The following ABCD3 variants were observed in gnomAD, a reference collection of about 807,000 sequenced individuals.
The protein encoded by ABCD3 is ATP-binding cassette sub-family D member 3.
A neutral mutation model predicts 105.5 loss-of-function variants in ABCD3; 41 were observed. The observed-to-expected ratio is 0.39, with a 90% confidence interval of 0.30 to 0.50. ABCD3 has a LOEUF of 0.50. Ranked by LOEUF, ABCD3 falls within the 20% of genes least tolerant of loss-of-function variation. The probability of loss-of-function intolerance (pLI) is 0.84; values close to 1 mark genes in which losing one functional copy is unlikely to be tolerated. For missense variants in ABCD3, 622 were observed against 806.3 expected (o/e 0.77, Z 2.77); for synonymous variants, 258 against 269.0 (o/e 0.96, Z 0.40).
chr1:94,387,827 G>A, the ABCD3 span, among the ~76,000 whole-genome samples: 1 of 152,074 alleles, frequency 6.6e-6, no homozygotes, highest in East Asian at 1.9e-4. Context: ...GTGAATGATG[G>A]CCTCCCAACT....
rs71097204 is a variant in ABCD3 at position 94,505,371 on chromosome 1, ATT to A, written c.1741-1145_1741-1144del. On this transcript the variant is annotated intron_variant, in intron 20 of 22. Coordinates refer to ENST00000370214, the MANE Select transcript of ABCD3 (RefSeq NM_002858.4). ...AGATGAACACCACCATGCTTGGCTA[ATT>A]TTTTTTTTTTTTTTTTTTTTTAAGA... Among the ~76,000 whole-genome samples the A allele has an allele frequency of 6.7e-3, 795 of 118,828 alleles. 5 individuals are homozygous for A. Among genetic ancestry groups the A allele is most frequent in the Non-Finnish European group, 8.6e-3 (497 of 57,612 alleles). The allele number at this position is 118,828 out of a possible 152,430, so 78.0% of individuals were successfully genotyped here. A position where few individuals can be genotyped will look rare whatever the true frequency, so the allele number is the denominator to read the frequency against.
chr1:94,485,997 G>A (rs1440211415), intron 10 of ABCD3, among the ~76,000 whole-genome samples: 1 of 152,092 alleles, frequency 6.6e-6, no homozygotes, highest in Non-Finnish European at 1.5e-5. Flanking sequence ...TTCGAGACCA[G>A]CCTGACCAAC....
chr1:94,496,350 T>C (rs1649798587), intron 16 of ABCD3, among the ~76,000 whole-genome samples: 1 of 152,210 alleles, frequency 6.6e-6, no homozygotes, highest in South Asian at 2.1e-4. Context: ...ATTTGTCCTT[T>C]TGTGGCTGGC....
chr1:94,414,249 G>A (rs973167953), upstream of ABCD3, among the ~76,000 whole-genome samples: 1 of 152,104 alleles, frequency 6.6e-6, no homozygotes, highest in Non-Finnish European at 1.5e-5. Context: ...TTCCTGATGA[G>A]CATGTACCAC....
chr1:94,420,233 A>G (rs1192681977), intron 1 of ABCD3, among the ~76,000 whole-genome samples: 3 of 152,214 alleles, frequency 2.0e-5, no homozygotes, highest in Non-Finnish European at 2.9e-5. Flanking sequence ...ACAGAACATT[A>G]TCAGCACCCC....
chr1:94,418,386 C>A (rs1425759056), upstream of ABCD3: 2 of 1,162,196 alleles, frequency 1.7e-6, no homozygotes, highest in South Asian at 1.3e-5. Context: ...CCTCTGCTCT[C>A]CTCCCAGTCT....
chr1:94,415,282 T>A (rs1464861952), upstream of ABCD3, among the ~76,000 whole-genome samples: 1 of 152,140 alleles, frequency 6.6e-6, no homozygotes, highest in Non-Finnish European at 1.5e-5. Context: ...AATCTTGGAG[T>A]CTGGCTAACA....
chr1:94,447,819 G>C lies in ABCD3; in HGVS notation c.111-10788G>C, dbSNP rs181746635. ...CATTACCATTGTGCCACAGAAAGTA[G>C]CCATACGTAGGGATCAATTGAAAAC... On this transcript the variant is annotated intron_variant, in intron 1 of 22. Coordinates refer to ENST00000370214, the MANE Select transcript of ABCD3 (RefSeq NM_002858.4). Among the ~76,000 whole-genome samples, 238 of 152,298 alleles carry C rather than the reference G, an allele frequency of 1.6e-3. 1 individual carries two copies. Among genetic ancestry groups the C allele is most frequent in the African/African-American group, 5.6e-3 (232 of 41,566 alleles).
chr1:94,505,810 T>G (rs182971790), intron 20 of ABCD3, among the ~76,000 whole-genome samples: 1 of 152,224 alleles, frequency 6.6e-6, no homozygotes, highest in East Asian at 1.9e-4. Context: ...CTAAAGAGAA[T>G]GTTGCAGAGA....
chr1:94,438,848 A>C (rs79688813), intron 1 of ABCD3, among the ~76,000 whole-genome samples: 6 of 152,284 alleles, frequency 3.9e-5, no homozygotes, highest in African/African-American at 1.4e-4. Context: ...CATAACTTCT[A>C]TGTGCACTGG....
chr1:94,416,927 C>G (rs901961097), upstream of ABCD3, among the ~76,000 whole-genome samples: 1 of 152,190 alleles, frequency 6.6e-6, no homozygotes, highest in African/African-American at 2.4e-5. Flanking sequence ...TTAGATTATA[C>G]CATTTTTGTC....
chr1:94,442,200 G>A (rs1660160120), intron 1 of ABCD3, among the ~76,000 whole-genome samples: 1 of 152,174 alleles, frequency 6.6e-6, no homozygotes, highest in African/African-American at 2.4e-5. Context: ...CAGTATGTTT[G>A]CAATCATATC....
chr1:94,418,708 G>C, intron 1 of ABCD3, 120 bp downstream of exon 1: 1 of 997,094 alleles, frequency 1.0e-6, no homozygotes, highest in South Asian at 1.4e-5. Context: ...AGAGAGGGCC[G>C]ACCGCGACTG....
the ABCD3 span, among the ~76,000 whole-genome samples, chr1:94,386,802 C>T: frequency 6.6e-6 from 1 of 152,164 alleles, no homozygotes. Flanking sequence ...TTGCAGTGAG[C>T]TGAGATTGAG....
intron 4 of ABCD3, among the ~76,000 whole-genome samples, chr1:94,473,311 G>T (rs752717819): frequency 3.0e-4 from 46 of 152,106 alleles, no homozygotes; most frequent in South Asian, 1.0e-3. Context: ...ATTTACTCTT[G>T]ACCCTTTGCT....
At chr1:94,496,694 G>GTTTTTTTTTTTTTTTTTTTTTTTTTTT (rs71094302) in intron 16 of ABCD3, among the ~76,000 whole-genome samples, 1 of 39,368 alleles carries the variant, frequency 2.5e-5, no homozygotes, top group Non-Finnish European at 4.1e-5. Context: ...CCTTGTTTCT[G>GTTTTTTTTTTTTTTTTTTTTTTTTTTT]TTTTTTTTTT....
intron 21 of ABCD3, among the ~76,000 whole-genome samples, chr1:94,508,504 A>G (rs1650482867): frequency 6.6e-6 from 1 of 151,482 alleles, no homozygotes; most frequent in South Asian, 2.1e-4. Flanking sequence ...TGAACTTTAA[A>G]GTAGTTTTTT....
Position 94,478,314 on chromosome 1 carries a change from A to T in ABCD3, c.683A>T (p.Gln228Leu). The T allele has an allele frequency of 6.2e-7, 1 of 1,600,120 alleles. No individual in the cohort carries two copies. The highest frequency in any genetic ancestry group is 8.6e-7 in the Non-Finnish European group (1 of 1,169,324). The change falls in exon 8 of 23, where the codon CAG (glutamine) becomes CTG (leucine). Residue 228 changes from glutamine to leucine, a missense_variant and splice_region_variant. Around this residue, in one of 4 missense-constraint regions of ABCD3, gnomAD observed 245 missense variants for 356.4 expected, o/e 0.69. Transcript: ENST00000370214. ...IFKLTSAIGA[Q>L]GPASMMAYLV... is the part of the protein sequence containing the mutation. Reference sequence around the variant, plus strand: ...AAGTTAACGAGTGCAATTGGAGCTCAGGTGAGTCTGCTTTTATTTCAACTT... The same window carrying T: ...AAGTTAACGAGTGCAATTGGAGCTCTGGTGAGTCTGCTTTTATTTCAACTT...
Position 94,473,763 on chromosome 1 carries a change from C to T in ABCD3, c.336-3C>T. On this transcript the variant is annotated splice_polypyrimidine_tract_variant and splice_region_variant and intron_variant, in intron 4 of 22. Transcript: ENST00000370214. Reference sequence around the variant, plus strand: ...CTAATGCATTGCATGTGGTGGTTTGCAGTGGTATCATTGGTCGTAGCAGGA... The same window carrying T: ...CTAATGCATTGCATGTGGTGGTTTGTAGTGGTATCATTGGTCGTAGCAGGA... 1 of 1,611,492 alleles carries T rather than the reference C, an allele frequency of 6.2e-7. No homozygotes were observed. The highest frequency in any genetic ancestry group is 8.5e-7 in the Non-Finnish European group (1 of 1,178,282).
Sources: allele counts gnomAD v4.1 joint callset (sites outside exome capture counted in the v4.1 genomes callset), GRCh38; gene constraint gnomAD v4.1.1; regional missense constraint gnomAD v4.1.1; transcripts MANE v1.5; gene names NCBI Gene and HGNC (gene_info 2026-07-23, HGNC 2026-07-21).